The following ACBD6 variants were observed in gnomAD, a reference collection of about 807,000 sequenced individuals.
ACBD6 encodes the protein acyl-CoA-binding domain-containing protein 6.
ACBD6 carries 28 observed loss-of-function variants against 37.2 expected under a neutral mutation model. The ratio of observed to expected loss-of-function variants is 0.75; its 90% CI spans 0.56 to 1.03. The LOEUF (loss-of-function observed/expected upper bound fraction) is 1.03. Ranked by LOEUF, ACBD6 falls within the 50% of genes least tolerant of loss-of-function variation. ACBD6 has a pLI of 0.00. For missense variants in ACBD6, 340 were observed against 337.4 expected (o/e 1.01, Z -0.06); for synonymous variants, 113 against 126.8 (o/e 0.89, Z 0.73).
intron 1 of ACBD6, among the ~76,000 whole-genome samples, chr1:180,497,197 T>C (rs897181318): frequency 1.3e-5 from 2 of 152,238 alleles, no homozygotes; most frequent in Admixed American, 6.5e-5. Flanking sequence ...CACTATCCAG[T>C]GGCAGAAACA....
chr1:180,271,183 T>G (rs1417694894), exon 14 of ACBD6: 5 of 652,210 alleles, frequency 7.7e-6, no homozygotes, highest in Non-Finnish European at 1.4e-5. Flanking sequence ...CACTTTTCAG[T>G]GGCTTGGGAA....
intron 3 of ACBD6, among the ~76,000 whole-genome samples, chr1:180,442,628 T>C (rs1016991172): frequency 6.6e-5 from 10 of 152,234 alleles, no homozygotes; most frequent in Non-Finnish European, 1.5e-4. Flanking sequence ...CCACAGCTCA[T>C]TGAAGTTCTG....
intron 3 of ACBD6, among the ~76,000 whole-genome samples, chr1:180,490,513 C>T (rs528546189): frequency 6.6e-6 from 1 of 150,888 alleles, no homozygotes; most frequent in East Asian, 1.9e-4. Context: ...CAGTGGCTCA[C>T]CCCTGTAATC....
At chr1:180,318,176 A>AC (rs1650906308) in intron 6 of ACBD6, among the ~76,000 whole-genome samples, 1 of 24,704 alleles carries the variant, frequency 4.0e-5, no homozygotes, top group Non-Finnish European at 8.5e-5. Flanking sequence ...CCCCCCCCCC[A>AC]AAAAAAAAAG....
At chr1:180,324,243 T>C (rs1404377001) in intron 6 of ACBD6, among the ~76,000 whole-genome samples, 1 of 152,100 alleles carries the variant, frequency 6.6e-6, no homozygotes, top group Non-Finnish European at 1.5e-5. Context: ...ATTGATTAGG[T>C]AAGGACTTGC....
chr1:180,285,743 T>C (rs556142537), downstream of ACBD6, among the ~76,000 whole-genome samples: 104 of 152,242 alleles, frequency 6.8e-4, no homozygotes, highest in Non-Finnish European at 1.4e-3. Context: ...GGCAGGAAGC[T>C]AAGAAATACC....
intron 6 of ACBD6, among the ~76,000 whole-genome samples, chr1:180,326,085 C>T (rs1007368540): frequency 2.0e-5 from 3 of 152,190 alleles, no homozygotes; most frequent in African/African-American, 7.2e-5. Flanking sequence ...GGGAAGCCAG[C>T]CAGGTTTTTG....
At chr1:180,379,259 C>T (rs1490748973) in intron 6 of ACBD6, among the ~76,000 whole-genome samples, 1 of 152,164 alleles carries the variant, frequency 6.6e-6, no homozygotes, top group African/African-American at 2.4e-5. Context: ...AAAGTTCTCT[C>T]CTACAAAAGC....
chr1:180,409,382 C>G (rs1446986768), intron 5 of ACBD6, among the ~76,000 whole-genome samples: 2 of 152,036 alleles, frequency 1.3e-5, no homozygotes, highest in Non-Finnish European at 2.9e-5. Flanking sequence ...ACAGGCATAC[C>G]TTGTTCTATT....
At chr1:180,289,281 TAG>T (rs1372355648) in intron 7 of ACBD6, among the ~76,000 whole-genome samples, 1 of 152,138 alleles carries the variant, frequency 6.6e-6, no homozygotes, top group Non-Finnish European at 1.5e-5. Flanking sequence ...TTAGATGGTG[TAG>T]AGACAACTGG....
At chr1:180,374,462 T>A (rs1222679433) in intron 6 of ACBD6, among the ~76,000 whole-genome samples, 2 of 152,178 alleles carry the variant, frequency 1.3e-5, no homozygotes, top group African/African-American at 4.8e-5. Flanking sequence ...TGTGAGAGAA[T>A]CAAGGATTAA....
chr1:180,387,423 G>GT (rs1028668763), intron 6 of ACBD6, among the ~76,000 whole-genome samples: 16 of 152,152 alleles, frequency 1.1e-4, no homozygotes, highest in South Asian at 2.1e-4. Context: ...TTACCACTTG[G>GT]TCTCCACTGA....
intron 3 of ACBD6, among the ~76,000 whole-genome samples, chr1:180,478,075 T>C (rs1650872490): frequency 6.6e-6 from 1 of 152,146 alleles, no homozygotes; most frequent in Non-Finnish European, 1.5e-5. Context: ...ATATGATGCT[T>C]ATTTTTCTTA....
intron 5 of ACBD6, among the ~76,000 whole-genome samples, chr1:180,410,235 G>A (rs115773773): frequency 0.02 from 3,003 of 152,322 alleles, 102 homozygotes; most frequent in African/African-American, 0.067. Context: ...TAACATAAAA[G>A]TACAAGGTGA....
Position 180,271,617 on chromosome 1 carries a change from C to T in ACBD6, c.*1608G>A, listed in dbSNP as rs3845397. ...AGGTATCCTGAGTGACATCAGCTCA[C>T]GGGTGGTTGGGCTCAGGGCTTGACC... On this transcript the variant is annotated 3_prime_UTR_variant, in exon 14 of 14. Coordinates refer to the ACBD6 transcript ENST00000642319. The T allele has an allele frequency of 0.48, 743,362 of 1,546,794 alleles. 185,491 individuals carry two copies. Among genetic ancestry groups the T allele is most frequent in the South Asian group, 0.59 (52,335 of 89,316 alleles).
intron 6 of ACBD6, among the ~76,000 whole-genome samples, chr1:180,360,575 G>A (rs1398872577): frequency 6.6e-6 from 1 of 152,092 alleles, no homozygotes; most frequent in Non-Finnish European, 1.5e-5. Context: ...CAAGCTCTAT[G>A]TAATTCTAAT....
At chr1:180,390,894 A>C (rs1471403380) in intron 6 of ACBD6, among the ~76,000 whole-genome samples, 1 of 152,198 alleles carries the variant, frequency 6.6e-6, no homozygotes, top group Non-Finnish European at 1.5e-5. Flanking sequence ...CTTTGAAAAA[A>C]GGCGGAAGAA....
intron 3 of ACBD6, chr1:180,435,203 C>G: frequency 1.5e-6 from 1 of 680,130 alleles, no homozygotes; most frequent in Non-Finnish European, 2.8e-6. Context: ...GCCTTTCCAT[C>G]TGGGGTACTC....
In ACBD6 at chr1:180,474,464, AT is replaced by A. The variant is rs544423945; in HGVS notation, c.384+17804del. On this transcript the variant is annotated intron_variant, in intron 3 of 7. Transcript: ENST00000367595. ...TATATCTGAAAAGCTAAAAAAAAAA[AT>A]CTTCTAAAATGTGTAATGTCATGTG... 5.4e-4 allele frequency among the ~76,000 whole-genome samples: 82 copies of A among 152,234 alleles called. 1 individual carries two copies. In the East Asian group the frequency reaches 0.015, roughly 28 times the overall value.
Sources: allele counts gnomAD v4.1 joint callset (sites outside exome capture counted in the v4.1 genomes callset), GRCh38; gene constraint gnomAD v4.1.1; transcripts MANE v1.5; gene names NCBI Gene and HGNC (gene_info 2026-07-23, HGNC 2026-07-21).